The following HS3ST5 variants were observed in gnomAD, a reference collection of about 807,000 sequenced individuals.
The protein encoded by HS3ST5 is heparan sulfate glucosamine 3-O-sulfotransferase 5.
HS3ST5 carries 10 observed loss-of-function variants against 25.4 expected under a neutral mutation model. That is an observed-to-expected ratio of 0.39 (90% confidence interval 0.24 to 0.67). HS3ST5 has a LOEUF of 0.67. Ranked by LOEUF, HS3ST5 falls within the 30% of genes least tolerant of loss-of-function variation. The pLI, the probability that HS3ST5 is intolerant of heterozygous loss-of-function variation, is 0.44. For missense variants in HS3ST5, 324 were observed against 420.7 expected, an observed-to-expected ratio of 0.77 and a Z score of 2.01; for synonymous variants, 170 against 162.4, an observed-to-expected ratio of 1.05 and a Z score of -0.36.
chr6:114,299,216 A>T (rs1562268530), intron 1 of HS3ST5, among the ~76,000 whole-genome samples: 1 of 152,136 alleles, frequency 6.6e-6, no homozygotes, highest in Non-Finnish European at 1.5e-5. Context: ...GGGATGAAAT[A>T]AGCCCCAGTC....
At chr6:114,219,343 G>A (rs565742893) in intron 2 of HS3ST5, among the ~76,000 whole-genome samples, 72 of 152,314 alleles carry the variant, frequency 4.7e-4, no homozygotes, top group African/African-American at 1.6e-3. Context: ...ACGTAGAGGG[G>A]ACGTGTGGCC....
At chr6:114,115,693 A>G (rs1776488660) in intron 3 of HS3ST5, among the ~76,000 whole-genome samples, 1 of 152,106 alleles carries the variant, frequency 6.6e-6, no homozygotes, top group Non-Finnish European at 1.5e-5. Flanking sequence ...AAGTTGAACT[A>G]TTTGAAGGAA....
rs545890456 is a variant in HS3ST5, at chr6:114,274,817, TGGAGTCTGAGAATGTGTC to T, written c.-338-46057_-338-46040del. On this transcript the variant is annotated intron_variant, in intron 1 of 4. Coordinates refer to ENST00000312719, the MANE Select transcript of HS3ST5 (RefSeq NM_153612.4). The stretch of plus-strand genomic sequence containing the variant: ...GGTATGTTCTAGAGTTTAAGTACCT[TGGAGTCTGAGAATGTGTC>T]GGAGTCTGAGAATGTGTCAGAGTCA... Among the ~76,000 whole-genome samples the T allele has an allele frequency of 3.5e-3, 532 of 152,132 alleles. 1 individual carries two copies. The highest frequency in any genetic ancestry group is 5.7e-3 in the Non-Finnish European group (384 of 67,954).
intron 1 of HS3ST5, among the ~76,000 whole-genome samples, chr6:114,288,962 T>C (rs997897485): frequency 1.3e-5 from 2 of 152,078 alleles, no homozygotes; most frequent in African/African-American, 4.8e-5. Flanking sequence ...AACTTTGTAT[T>C]TGGAAAGCCT....
intron 2 of HS3ST5, among the ~76,000 whole-genome samples, chr6:114,180,014 C>A (rs1193853975): frequency 6.6e-6 from 1 of 152,130 alleles, no homozygotes; most frequent in African/African-American, 2.4e-5. Context: ...CCTTCTTCTG[C>A]CTGCTTTTTC....
intron 1 of HS3ST5, among the ~76,000 whole-genome samples, chr6:114,321,369 T>C (rs1775963211): frequency 6.6e-6 from 1 of 152,098 alleles, no homozygotes; most frequent in Admixed American, 6.6e-5. Flanking sequence ...CCATTAGAGG[T>C]GTTCTCAAGG....
chr6:114,197,735 G>A (rs911138072), intron 2 of HS3ST5, among the ~76,000 whole-genome samples: 1 of 152,036 alleles, frequency 6.6e-6, no homozygotes, highest in African/African-American at 2.4e-5. Context: ...GTCATATTTG[G>A]TTTTATGTTT....
intron 1 of HS3ST5, among the ~76,000 whole-genome samples, chr6:114,271,838 C>A (rs1228733554): frequency 6.6e-6 from 1 of 152,052 alleles, no homozygotes; most frequent in African/African-American, 2.4e-5. Flanking sequence ...AAAACAAATT[C>A]TACATTTTCC....
chr6:114,300,031 A>G (rs1454360878), intron 1 of HS3ST5, among the ~76,000 whole-genome samples: 1 of 152,202 alleles, frequency 6.6e-6, no homozygotes, highest in East Asian at 1.9e-4. Flanking sequence ...AGCAAAGGAA[A>G]AATTATGCAA....
intron 1 of HS3ST5, among the ~76,000 whole-genome samples, chr6:114,335,688 C>G (rs560206253): frequency 3.5e-3 from 525 of 150,872 alleles, no homozygotes; most frequent in Non-Finnish European, 4.8e-3. Context: ...CGGAATCTCA[C>G]TCTGTTGCCA....
At chr6:114,264,647 G>A (rs1773326050) in intron 1 of HS3ST5, among the ~76,000 whole-genome samples, 1 of 151,826 alleles carries the variant, frequency 6.6e-6, no homozygotes, top group Admixed American at 6.6e-5. Flanking sequence ...AGTTTTTCAT[G>A]TTCATTCCAT....
chr6:114,068,972 G>A (rs1300474017), intron 3 of HS3ST5, among the ~76,000 whole-genome samples: 1 of 152,060 alleles, frequency 6.6e-6, no homozygotes, highest in East Asian at 1.9e-4. Context: ...GAGACATCTG[G>A]CTGTTTCTCT....
chr6:114,266,057 TA>T (rs1773392432), intron 1 of HS3ST5, among the ~76,000 whole-genome samples: 2 of 152,180 alleles, frequency 1.3e-5, no homozygotes, highest in Admixed American at 1.3e-4. Context: ...CACAGGAACC[TA>T]AAACTCAAGG....
intron 1 of HS3ST5, among the ~76,000 whole-genome samples, chr6:114,296,479 A>C (rs1294882700): frequency 6.6e-6 from 1 of 152,200 alleles, no homozygotes; most frequent in East Asian, 1.9e-4. Flanking sequence ...ACCAACATAG[A>C]CTCATAAGTA....
chr6:114,298,843 C>T (rs1350644237), intron 1 of HS3ST5, among the ~76,000 whole-genome samples: 2 of 152,128 alleles, frequency 1.3e-5, no homozygotes, highest in African/African-American at 2.4e-5. Context: ...TTCCTATGCC[C>T]GTCTTATCCT....
Position 114,145,924 on chromosome 6 carries a change from G to A in HS3ST5, c.-33+22427C>T, listed in dbSNP as rs757346352. On this transcript the variant is annotated intron_variant, in intron 3 of 4. Coordinates refer to ENST00000312719, the MANE Select transcript of HS3ST5 (RefSeq NM_153612.4). ...ATTGAACTGATACCCTTGAGATGTCGCATCACCTTTAAACCAATGGACATC... is the reference window on the plus strand; with the variant it reads ...ATTGAACTGATACCCTTGAGATGTCACATCACCTTTAAACCAATGGACATC... Among the ~76,000 whole-genome samples the A allele has an allele frequency of 4.6e-5, 7 of 152,122 alleles. No homozygotes were observed. In the East Asian group the frequency reaches 5.8e-4, roughly 13 times the overall value.
chr6:114,100,513 C>A (rs1475329736), intron 3 of HS3ST5, among the ~76,000 whole-genome samples: 1 of 152,142 alleles, frequency 6.6e-6, no homozygotes. Flanking sequence ...GGGCACAAAT[C>A]AATAGGCAGC....
At chr6:114,074,899 A>G (rs1418598056) in intron 3 of HS3ST5, among the ~76,000 whole-genome samples, 1 of 152,204 alleles carries the variant, frequency 6.6e-6, no homozygotes, top group Non-Finnish European at 1.5e-5. Flanking sequence ...CAGTATTAAA[A>G]TTAGCATTCT....
intron 3 of HS3ST5, among the ~76,000 whole-genome samples, chr6:114,097,416 T>C (rs1456121858): frequency 6.6e-6 from 1 of 151,984 alleles, no homozygotes; most frequent in Non-Finnish European, 1.5e-5. Context: ...CATTAAAACA[T>C]ATTAAAACAA....
Sources: gnomAD v4.1 joint callset for allele counts (sites outside exome capture counted in the v4.1 genomes callset) on GRCh38, gnomAD v4.1.1 for gene constraint, MANE v1.5 for transcripts, NCBI Gene and HGNC (gene_info 2026-07-23, HGNC 2026-07-21) for gene names.